MACF1: variants seen among roughly 807,000 people sequenced by gnomAD.
The protein encoded by MACF1 is microtubule-actin cross-linking factor 1.
A neutral mutation model predicts 854.8 loss-of-function variants in MACF1; 193 were observed. That is an observed-to-expected ratio of 0.23 (90% CI 0.20 to 0.25). The LOEUF (loss-of-function observed/expected upper bound fraction) is 0.25, where lower values mean the gene tolerates loss of function less well. MACF1 is among the 10% of genes least tolerant of loss of function. The pLI, the probability that MACF1 is intolerant of heterozygous loss-of-function variation, is 1.00. For missense variants in MACF1, 7,722 were observed against 8,929.1 expected, an observed-to-expected ratio of 0.86 and a Z score of 5.45; for synonymous variants, 3,185 against 3,226.7, an observed-to-expected ratio of 0.99 and a Z score of 0.44.
chr1:39,275,186 C>T (rs2148367410), intron 6 of MACF1, among the ~76,000 whole-genome samples: 1 of 151,592 alleles, frequency 6.6e-6, no homozygotes, highest in East Asian at 2.0e-4. Context: ...TCACGCCATT[C>T]TCCCGCCTCA....
At chr1:39,267,301 G>A (rs966337019) in intron 6 of MACF1, among the ~76,000 whole-genome samples, 5 of 152,064 alleles carry the variant, frequency 3.3e-5, no homozygotes, top group Non-Finnish European at 5.9e-5. Flanking sequence ...ACATGATCTT[G>A]GCTCACTGCA....
chr1:39,166,328 A>G (rs1011397494), intron 2 of MACF1, among the ~76,000 whole-genome samples: 4 of 152,266 alleles, frequency 2.6e-5, no homozygotes, highest in Admixed American at 1.3e-4. Flanking sequence ...TTGGCATCCC[A>G]AAGTGCTGGG....
In MACF1 at chr1:39,292,938, C is replaced by T. The variant is rs1159733535; in HGVS notation, c.1992+95C>T. On this transcript the variant is annotated intron_variant, in intron 17 of 100. Coordinates refer to ENST00000564288, the MANE Select transcript of MACF1 (RefSeq NM_001394062.1). The stretch of plus-strand genomic sequence containing the variant: ...AATTCAGAAATCTCCTGGTTTGGCC[C>T]TGTTTTGGTTTTCTGCTTATTAGGT... 5 of 1,055,842 alleles carry T rather than the reference C, an allele frequency of 4.7e-6. No individual in the cohort carries two copies. The East Asian group carries it at 1.0e-4, about 22-fold the overall frequency. 65.4% of individuals were successfully genotyped at this position (1,055,842 alleles called of 1,614,324 possible).
chr1:39,112,227 C>T (rs1287019737), intron 2 of MACF1, among the ~76,000 whole-genome samples: 2 of 151,788 alleles, frequency 1.3e-5, no homozygotes, highest in South Asian at 4.2e-4. Context: ...GCTGGGATTA[C>T]AGATACATGC....
rs1353111268 is a variant in MACF1 at position 39,437,773 on chromosome 1, T to C, written c.17989-4T>C. On this transcript the variant is annotated splice_region_variant and splice_polypyrimidine_tract_variant and intron_variant, in intron 70 of 100. Transcript: ENST00000564288. The stretch of plus-strand genomic sequence containing the variant: ...GTGATGGTAATGTTCCAACATTTGT[T>C]TAGTTTCATGATAAAATTGAGCCTA... The C allele has an allele frequency of 6.2e-7, 1 of 1,604,572 alleles. No individual in the cohort carries two copies. Among genetic ancestry groups the C allele is most frequent in the Admixed American group, 1.7e-5 (1 of 60,022 alleles).
At chr1:39,398,139 CTTT>C (rs750827427) in intron 58 of MACF1, among the ~76,000 whole-genome samples, 5 of 134,322 alleles carry the variant, frequency 3.7e-5, no homozygotes, top group Non-Finnish European at 6.4e-5. Context: ...CCCGCCACTC[CTTT>C]TTTTTTTTTT....
intron 2 of MACF1, among the ~76,000 whole-genome samples, chr1:39,156,691 G>A (rs1643694387): frequency 6.6e-6 from 1 of 152,168 alleles, no homozygotes; most frequent in African/African-American, 2.4e-5. Flanking sequence ...GATAGACTCT[G>A]AAATCCTGGG....
chr1:39,086,370 G>A lies in MACF1; in HGVS notation c.220+1932G>A, dbSNP rs377515063. 6.5e-4 allele frequency among the ~76,000 whole-genome samples: 99 copies of A among 152,286 alleles called. 4 individuals carry two copies. The South Asian group carries it at 0.019, about 29-fold the overall frequency. ...GGCCTGGAAGGCAGGAGGGAGAGTT[G>A]GAGCTCTTTCTAGTGGGCAACGAGG... On this transcript the variant is annotated intron_variant, in intron 2 of 93. Coordinates refer to the MACF1 transcript ENST00000361689.
intron 23 of MACF1, among the ~76,000 whole-genome samples, chr1:39,305,576 C>T (rs987966457): frequency 1.3e-5 from 2 of 152,160 alleles, no homozygotes; most frequent in Non-Finnish European, 2.9e-5. Context: ...ACACTTCTTC[C>T]GTTTTCCAAA....
chr1:39,287,179 CATTTTT>C, intron 14 of MACF1, 101 bp from the exon 15 acceptor site: 1 of 1,242,080 alleles, frequency 8.1e-7, no homozygotes, highest in Non-Finnish European at 1.1e-6. Context: ...TAGGCTGGCT[CATTTTT>C]ATTTTTATCA....
Position 39,300,185 on chromosome 1 carries a change from T to C in MACF1, c.2482-25T>C, listed in dbSNP as rs1571295736. ...ACCCTGAGTAGCAGCATTAATGTCA[T>C]TTTGTTTTTCTTATCATTTTGTAGG... On this transcript the variant is annotated intron_variant, in intron 21 of 100. Coordinates refer to ENST00000564288, the MANE Select transcript of MACF1 (RefSeq NM_001394062.1). 1.9e-6 allele frequency: 3 copies of C among 1,610,886 alleles called. 1 individual carries two copies. In the East Asian group the frequency reaches 6.7e-5, roughly 36 times the overall value.
chr1:39,442,169 A>C lies in MACF1; in HGVS notation c.18797A>C (p.Gln6266Pro), dbSNP rs765897635. 1 of 1,594,338 alleles carries C rather than the reference A, an allele frequency of 6.3e-7. No individual in the cohort carries two copies. Among genetic ancestry groups the C allele is most frequent in the Non-Finnish European group, 8.5e-7 (1 of 1,173,048 alleles). Reference sequence around the variant, plus strand: ...CAGGAGTTCAAAGTAGAAGTTTACCAACAGCAAATTGAGATGGAGAAGCTT... The same window carrying C: ...CAGGAGTTCAAAGTAGAAGTTTACCCACAGCAAATTGAGATGGAGAAGCTT... ...EMKEFKVEVY[Q>P]QQIEMEKLNH... is the part of the protein sequence containing the mutation. Residue 6266 changes from glutamine (Q) to proline (P), a missense_variant, in exon 76 of 101, where the codon CAA becomes CCA. Transcript: ENST00000564288.
At chr1:39,155,822 C>T (rs1571110422) in intron 2 of MACF1, among the ~76,000 whole-genome samples, 1 of 152,148 alleles carries the variant, frequency 6.6e-6, no homozygotes, top group Admixed American at 6.5e-5. Flanking sequence ...GGGTTTCAAG[C>T]AATTCTCCTG....
chr1:39,335,150 G>C lies in MACF1; in HGVS notation c.8562G>C (p.Lys2854Asn). Residue 2854 changes from lysine to asparagine, a missense_variant, in exon 37 of 101, where the codon AAG becomes AAC. Physicochemically the swap from Lys to Asn is moderately conservative, Grantham distance 94. Transcript: ENST00000564288. ...AATTTGGGTGCAAGGATCAACGTAA[G>C]CCAAGAATGTCTTCAGATGCTAAAG... ...LKEFGCKDQR[K>N]PRMSSDAKEF... 6 of 1,614,074 alleles carry C rather than the reference G, an allele frequency of 3.7e-6. No homozygotes were observed. Among genetic ancestry groups the C allele is most frequent in the Non-Finnish European group, 5.1e-6 (6 of 1,179,992 alleles).
intron 58 of MACF1, among the ~76,000 whole-genome samples, chr1:39,389,077 T>A (rs1340668256): frequency 1.3e-5 from 2 of 151,722 alleles, no homozygotes; most frequent in Admixed American, 6.6e-5. Flanking sequence ...GGTTTCACCA[T>A]GTCTCCCAGG....
At chr1:39,174,847 C>T (rs76263558) in intron 2 of MACF1, among the ~76,000 whole-genome samples, 3,464 of 152,230 alleles carry the variant, frequency 0.023, 79 homozygotes, top group East Asian at 0.13. Context: ...GGCTGGGTCT[C>T]GTCCCAGTGA....
intron 69 of MACF1, 24 bp from the exon 70 acceptor site, chr1:39,435,534 T>C (rs1020675789): frequency 1.9e-6 from 3 of 1,576,440 alleles, no homozygotes; most frequent in Middle Eastern, 1.7e-4. Context: ...GTACTCATTA[T>C]GGTTTAATTC....
intron 1 of MACF1, among the ~76,000 whole-genome samples, chr1:39,224,970 A>C (rs894692200): frequency 2.6e-5 from 4 of 152,136 alleles, no homozygotes; most frequent in Admixed American, 6.5e-5. Context: ...GGATCACATG[A>C]GGCCAGGAGT....
chr1:39,387,889 A>C lies in MACF1; in HGVS notation c.15047A>C (p.Gln5016Pro). The C allele has an allele frequency of 6.2e-7, 1 of 1,614,012 alleles. No individual in the cohort carries two copies. The highest frequency in any genetic ancestry group is 8.5e-7 in the Non-Finnish European group (1 of 1,180,022). Reference protein sequence around the residue: ...EEMTQRLREFQESFKNIEKKV... With the variant: ...EEMTQRLREFPESFKNIEKKV... ...ATGACTCAGAGGCTCAGGGAGTTCC[A>C]GGAAAGCTTTAAGAATATTGAAAAG... The change falls in exon 58 of 101, where the codon CAG becomes CCG. Residue 5016 changes from glutamine to proline, a missense_variant. By Grantham distance (76) the Gln-to-Pro change is moderately conservative (BLOSUM62 -1). Coordinates refer to ENST00000564288, the MANE Select transcript of MACF1 (RefSeq NM_001394062.1).
Sources: allele counts gnomAD v4.1 joint callset (sites outside exome capture counted in the v4.1 genomes callset), GRCh38; gene constraint gnomAD v4.1.1; transcripts MANE v1.5; gene names NCBI Gene and HGNC (gene_info 2026-07-23, HGNC 2026-07-21).